Variants in MTTP observed in about 807,000 individuals in gnomAD.
MTTP encodes the protein microsomal triglyceride transfer protein.
In MTTP, 49 loss-of-function variants were observed where a neutral mutation model predicts 90.6. That is an observed-to-expected ratio of 0.54 (90% CI 0.43 to 0.69). The LOEUF (loss-of-function observed/expected upper bound fraction) is 0.69. MTTP is among the 30% of genes least tolerant of loss of function. The probability of loss-of-function intolerance (pLI) is 0.00; values close to 1 mark genes in which losing one functional copy is unlikely to be tolerated. For missense variants in MTTP, 945 were observed against 1,067.5 expected, an observed-to-expected ratio of 0.89 and a Z score of 1.60; for synonymous variants, 347 against 384.2, an observed-to-expected ratio of 0.90 and a Z score of 1.13.
chr4:99,565,823 T>C (rs762917379), intron 1 of MTTP, among the ~76,000 whole-genome samples: 11 of 152,098 alleles, frequency 7.2e-5, no homozygotes, highest in Non-Finnish European at 1.2e-4. Context: ...GTTTAAGATA[T>C]TGGGAACAGT....
At chr4:99,579,618 C>T (rs28647519) in intron 1 of MTTP, among the ~76,000 whole-genome samples, 39,843 of 152,082 alleles carry the variant, frequency 0.26, 5,391 homozygotes, top group South Asian at 0.35. Context: ...TTCTATCATA[C>T]TATATAACTT....
chr4:99,596,324 A>G (rs1725551257), intron 7 of MTTP, among the ~76,000 whole-genome samples: 1 of 152,190 alleles, frequency 6.6e-6, no homozygotes, highest in South Asian at 2.1e-4. Context: ...TAAAGTATGA[A>G]AAATAAGTTC....
chr4:99,585,264 C>T (rs935040266), intron 3 of MTTP, among the ~76,000 whole-genome samples: 2 of 151,984 alleles, frequency 1.3e-5, no homozygotes, highest in Non-Finnish European at 2.9e-5. Flanking sequence ...CTTGTAATGG[C>T]CCTGAGCAGT....
chr4:99,590,305 G>A (rs1460366635), intron 4 of MTTP, among the ~76,000 whole-genome samples: 1 of 152,130 alleles, frequency 6.6e-6, no homozygotes, highest in Non-Finnish European at 1.5e-5. Flanking sequence ...GGCCAGGCTG[G>A]TCTTGAACTC....
At position 99,613,078 on chromosome 4, in the gene MTTP, T is replaced by C. The variant is rs760070788; in HGVS notation, c.2155T>C (p.Ser719Pro). ...CAGTGATTTGATGTCCAAAATGCTG[T>C]CAGCATCTGGCGACCCTATCAGTGT... is the stretch of plus-strand genomic sequence containing the variant. Reference protein sequence around the residue: ...GYSDLMSKMLSASGDPISVVK... With the variant: ...GYSDLMSKMLPASGDPISVVK... The change falls in exon 15 of 18, where the codon TCA becomes CCA. Residue 719 changes from serine (S) to proline (P), a missense_variant. Coordinates refer to ENST00000265517, the MANE Select transcript of MTTP (RefSeq NM_001386140.1). 61 of 1,614,004 alleles carry C rather than the reference T, an allele frequency of 3.8e-5. No individual in the cohort carries two copies. Among genetic ancestry groups the C allele is most frequent in the Non-Finnish European group, 4.8e-5 (57 of 1,179,982 alleles).
intron 10 of MTTP, among the ~76,000 whole-genome samples, chr4:99,605,109 T>C (rs971287843): frequency 3.3e-5 from 5 of 152,184 alleles, no homozygotes; most frequent in African/African-American, 1.2e-4. Flanking sequence ...ATTTTATTTC[T>C]TGAACATGTG....
chr4:99,600,838 G>A, intron 9 of MTTP, 105 bp downstream of exon 9: 1 of 1,089,200 alleles, frequency 9.2e-7, no homozygotes, highest in East Asian at 2.6e-5. Flanking sequence ...ATCAACTAGA[G>A]ACTTCTGAGT....
At chr4:99,591,133 C>T in intron 4 of MTTP, 102 bp from the exon 5 acceptor site, 1 of 828,034 alleles carries the variant, frequency 1.2e-6, no homozygotes, top group Non-Finnish European at 2.1e-6. Flanking sequence ...AAAAAAAGTC[C>T]CCTATGGCCT....
At chr4:99,620,603 T>C (rs1226751662) in intron 16 of MTTP, among the ~76,000 whole-genome samples, 1 of 152,166 alleles carries the variant, frequency 6.6e-6, no homozygotes, top group Non-Finnish European at 1.5e-5. Context: ...GAGAAGGTAA[T>C]GAAATGGAAT....
chr4:99,589,823 T>C lies in MTTP; in HGVS notation c.501+73T>C. On this transcript the variant is annotated intron_variant, in intron 4 of 17. Coordinates refer to ENST00000265517, the MANE Select transcript of MTTP (RefSeq NM_001386140.1). ...AGGATTTCTACTTATACAATTTCAG[T>C]AGAAGAGTTACTACTAAGGTAATGC... 15 of 1,044,898 alleles carry C rather than the reference T, an allele frequency of 1.4e-5. No individual in the cohort carries two copies. The South Asian group carries it at 2.0e-4, about 14-fold the overall frequency. The allele number at this position is 1,044,898 out of a possible 1,614,324, so 64.7% of individuals were successfully genotyped here.
rs753339923 is a variant in MTTP at position 99,622,669 on chromosome 4, T to C, written c.2514-8T>C. The C allele has an allele frequency of 2.5e-6, 4 of 1,613,748 alleles. No individual in the cohort carries two copies. The highest frequency in any genetic ancestry group is 3.4e-6 in the Non-Finnish European group (4 of 1,179,686). On this transcript the variant is annotated splice_region_variant and splice_polypyrimidine_tract_variant and intron_variant, in intron 17 of 17. Coordinates refer to ENST00000265517, the MANE Select transcript of MTTP (RefSeq NM_001386140.1). ...TGTAATTCTGTTATTGTTGCTGTTG[T>C]TGTACAGGCAATTTGAGAAAAAGTA...
chr4:99,577,627 G>C (rs1355926565), intron 1 of MTTP, among the ~76,000 whole-genome samples: 2 of 122,720 alleles, frequency 1.6e-5, no homozygotes, highest in South Asian at 5.5e-4. Context: ...AAAAAAGAAA[G>C]AAAAGAAAGA....
At chr4:99,576,539 C>CA (rs1393967289) in intron 1 of MTTP, among the ~76,000 whole-genome samples, 3 of 150,636 alleles carry the variant, frequency 2.0e-5, no homozygotes, top group African/African-American at 7.3e-5. Context: ...ACTAAAAATA[C>CA]AAAAAATTAG....
At chr4:99,619,982 G>A (rs1726189908) in intron 16 of MTTP, among the ~76,000 whole-genome samples, 2 of 152,156 alleles carry the variant, frequency 1.3e-5, no homozygotes, top group African/African-American at 4.8e-5. Flanking sequence ...AAATGAAATG[G>A]AATTGAATTC....
At position 99,609,078 on chromosome 4, in the gene MTTP, T is replaced by TTTTA. The variant is rs1725891566; in HGVS notation, c.1769+102_1769+103insTTAT. On this transcript the variant is annotated intron_variant, in intron 12 of 17. Coordinates refer to ENST00000265517, the MANE Select transcript of MTTP (RefSeq NM_001386140.1). ...ATAATGATGTGGTCATTATGCAGGGTTACGTTGCATAAAACCAAAGAGTGC... is the reference window on the plus strand; with the variant it reads ...ATAATGATGTGGTCATTATGCAGGGTTTTATACGTTGCATAAAACCAAAGAGTGC... 178 of 1,180,126 alleles carry TTTTA rather than the reference T, an allele frequency of 1.5e-4. No homozygotes were observed. In the South Asian group the frequency reaches 2.1e-3, roughly 14 times the overall value. The allele number at this position is 1,180,126 out of a possible 1,614,324, so 73.1% of individuals were successfully genotyped here.
At chr4:99,606,994 G>GA (rs1578250233) in intron 11 of MTTP, 34 bp downstream of exon 11, 5 of 1,506,254 alleles carry the variant, frequency 3.3e-6, no homozygotes, top group Admixed American at 2.0e-5. Flanking sequence ...AACATTTACA[G>GA]AAGAAAAAAA....
chr4:99,570,765 G>C (rs1266759968), upstream of MTTP: 1 of 455,738 alleles, frequency 2.2e-6, no homozygotes, highest in Admixed American at 2.4e-5. Context: ...TGGTCAGAGT[G>C]ATATGAAGTA....
At chr4:99,590,186 C>G (rs1212639323) in intron 4 of MTTP, among the ~76,000 whole-genome samples, 1 of 152,080 alleles carries the variant, frequency 6.6e-6, no homozygotes, top group Non-Finnish European at 1.5e-5. Context: ...ACCTCTGCCT[C>G]CCAGGTTCAA....
intron 8 of MTTP, among the ~76,000 whole-genome samples, chr4:99,600,258 G>T (rs1433757329): frequency 6.6e-6 from 1 of 152,028 alleles, no homozygotes; most frequent in African/African-American, 2.4e-5. Context: ...ATTTATAATT[G>T]TATTTATATA....
Sources: gnomAD v4.1 joint callset for allele counts (sites outside exome capture counted in the v4.1 genomes callset) on GRCh38, gnomAD v4.1.1 for gene constraint, MANE v1.5 for transcripts, NCBI Gene and HGNC (gene_info 2026-07-23, HGNC 2026-07-21) for gene names.